Variants in CAGE1 observed in about 807,000 individuals in gnomAD.
The protein encoded by CAGE1 is cancer-associated gene 1 protein.
Under a neutral mutation model 94.9 loss-of-function variants are expected in CAGE1, and 66 were observed. The ratio of observed to expected loss-of-function variants is 0.70; its 90% CI spans 0.57 to 0.85. The LOEUF (loss-of-function observed/expected upper bound fraction) is 0.85, where lower values mean the gene tolerates loss of function less well. CAGE1 is among the 40% of genes least tolerant of loss of function. CAGE1 has a pLI of 0.00. For synonymous variants in CAGE1, 319 were observed against 321.0 expected (o/e 0.99, Z 0.07); for missense variants, 865 against 950.4 (o/e 0.91, Z 1.18).
chr6:7,352,299 AAAAAAACAAAAAAAAAC>A (rs1759802386), intron 11 of CAGE1, among the ~76,000 whole-genome samples: 1 of 119,884 alleles, frequency 8.3e-6, no homozygotes, highest in African/African-American at 3.5e-5. Context: ...GCAAAAAAAA[AAAAAAACAAAAAAAAAC>A]AAAAAAAAAA....
At chr6:7,345,342 T>C (rs1049748092) in intron 11 of CAGE1, among the ~76,000 whole-genome samples, 1 of 147,256 alleles carries the variant, frequency 6.8e-6, no homozygotes, top group African/African-American at 2.5e-5. Flanking sequence ...CCCAGCAGGA[T>C]GAAAGAAACT....
chr6:7,361,171 T>C (rs1044558011), intron 9 of CAGE1, among the ~76,000 whole-genome samples: 8 of 152,160 alleles, frequency 5.3e-5, no homozygotes, highest in Non-Finnish European at 1.2e-4. Context: ...AAAATATACC[T>C]GCTTCTAAAA....
chr6:7,335,359 G>A (rs533008198), intron 11 of CAGE1, among the ~76,000 whole-genome samples: 12 of 152,320 alleles, frequency 7.9e-5, no homozygotes, highest in Non-Finnish European at 1.5e-4. Flanking sequence ...ATAGACCTGA[G>A]AGGATATGAA....
chr6:7,360,814 G>A (rs1251918356), intron 9 of CAGE1, among the ~76,000 whole-genome samples: 1 of 152,112 alleles, frequency 6.6e-6, no homozygotes, highest in African/African-American at 2.4e-5. Context: ...AGGTGGGGTA[G>A]TGCACGCCTG....
chr6:7,368,252 C>CAAAAAAAAAAAAAAAAAAAAAATAAAAA (rs1760419746), intron 7 of CAGE1, among the ~76,000 whole-genome samples: 1 of 84,442 alleles, frequency 1.2e-5, no homozygotes. Context: ...GACTCTGTCT[C>CAAAAAAAAAAAAAAAAAAAAAATAAAAA]AAAAAAAAAA....
intron 3 of CAGE1, among the ~76,000 whole-genome samples, chr6:7,384,766 G>GT (rs1761057583): frequency 6.6e-6 from 1 of 151,894 alleles, no homozygotes; most frequent in African/African-American, 2.4e-5. Context: ...CCATGCTGCA[G>GT]TGCAGTGGCG....
rs528331923 is a variant in CAGE1, at chr6:7,362,615, G to A, written c.2193+2853C>T. ...GGTCAGAAGGACATGAGAGAAGCAC[G>A]CGACGATGTGCCAAGGGAAGCATGA... On this transcript the variant is annotated intron_variant, in intron 9 of 13. Coordinates refer to ENST00000502583, the MANE Select transcript of CAGE1 (RefSeq NM_001170692.2). This position sits in a 1 kb window ranked among gnomAD's most constrained non-coding sequence, Gnocchi z 4.1. 6.6e-6 allele frequency among the ~76,000 whole-genome samples: 1 copy of A among 152,318 alleles called. No individual in the cohort carries two copies. The highest frequency in any genetic ancestry group is 2.4e-5 in the African/African-American group (1 of 41,570).
chr6:7,382,647 C>T (rs985741399), intron 3 of CAGE1, among the ~76,000 whole-genome samples: 3 of 151,178 alleles, frequency 2.0e-5, no homozygotes, highest in African/African-American at 7.3e-5. Context: ...CGTGGTGACT[C>T]ATGCCTGTAA....
rs1030578237 is a variant in CAGE1 at position 7,385,809 on chromosome 6, C to T, written c.259G>A (p.Gly87Ser). 4.5e-6 allele frequency: 7 copies of T among 1,543,604 alleles called. No homozygotes were observed. In the East Asian group the frequency reaches 1.2e-4, roughly 27 times the overall value. ...YESTLCEDAY[G>S]TLDNLLNDNN... ...CCATTTAACAAATTGTCTAGTGTGCCATAAGCATCTTCACAAAGTGTGGAT... is the reference window on the plus strand; with the variant it reads ...CCATTTAACAAATTGTCTAGTGTGCTATAAGCATCTTCACAAAGTGTGGAT... The change falls in exon 3 of 14, where the codon GGC becomes AGC. Residue 87 changes from glycine (G) to serine (S), a missense_variant. By Grantham distance (56) the Gly-to-Ser change is moderately conservative (BLOSUM62 0). Transcript: ENST00000502583.
chr6:7,367,093 A>G (rs1360853392), intron 7 of CAGE1, among the ~76,000 whole-genome samples: 1 of 152,154 alleles, frequency 6.6e-6, no homozygotes, highest in Non-Finnish European at 1.5e-5. Flanking sequence ...CCACGTAACT[A>G]TCATTCAGCT....
At chr6:7,327,201 C>T (rs1758568323) in intron 13 of CAGE1, among the ~76,000 whole-genome samples, 1 of 152,160 alleles carries the variant, frequency 6.6e-6, no homozygotes, top group South Asian at 2.1e-4. Flanking sequence ...TATAGACACT[C>T]AACACCATGC....
In CAGE1 at chr6:7,372,984, AAATAT is replaced by A. The variant is rs1321061158; in HGVS notation, c.1746+84_1746+88del. On this transcript the variant is annotated intron_variant, in intron 5 of 13. Transcript: ENST00000502583. ...TTCTTTAATAATTCTTTCTGCAAAC[AAATAT>A]AAGTGCCACGTCTAAATACGCATCA... is the stretch of plus-strand genomic sequence containing the variant. The A allele has an allele frequency of 1.2e-5, 11 of 929,606 alleles. No individual in the cohort carries two copies. In the African/African-American group the frequency reaches 1.8e-4, roughly 16 times the overall value. 57.6% of individuals were successfully genotyped at this position (929,606 alleles called of 1,614,324 possible).
intron 11 of CAGE1, among the ~76,000 whole-genome samples, chr6:7,351,800 A>G (rs1759777805): frequency 6.6e-6 from 1 of 152,202 alleles, no homozygotes; most frequent in African/African-American, 2.4e-5. Context: ...TTCTCAATAG[A>G]TTCAGAAAAA....
intron 11 of CAGE1, among the ~76,000 whole-genome samples, chr6:7,337,119 A>T: frequency 6.6e-6 from 1 of 151,952 alleles, no homozygotes; most frequent in East Asian, 1.9e-4. Context: ...TCAGGAGTTC[A>T]AGACCAGCCT....
At chr6:7,367,520 C>T (rs1760388495) in intron 7 of CAGE1, among the ~76,000 whole-genome samples, 1 of 152,102 alleles carries the variant, frequency 6.6e-6, no homozygotes, top group Admixed American at 6.5e-5. Flanking sequence ...GGCCATCCGC[C>T]TCCCTCAGCC....
intron 6 of CAGE1, among the ~76,000 whole-genome samples, chr6:7,369,031 TAG>T: frequency 6.7e-6 from 1 of 149,264 alleles, no homozygotes. Context: ...TTTTTTGAGA[TAG>T]AGTTTTGCTC....
Position 7,389,578 on chromosome 6 carries a change from G to C in CAGE1, c.-400C>G. ...GACCCCCTAGGCCGAACAGCCTGTG[G>C]GCTAGCTGGCGCCTCCTGCCGCAGT... On this transcript the variant is annotated 5_prime_UTR_variant, in exon 1 of 14. Transcript: ENST00000502583. 1 of 334,794 alleles carries C rather than the reference G, an allele frequency of 3.0e-6. No individual in the cohort carries two copies. Among genetic ancestry groups the C allele is most frequent in the Non-Finnish European group, 6.0e-6 (1 of 167,820 alleles). The allele number at this position is 334,794 out of a possible 1,614,324, so 20.7% of individuals were successfully genotyped here. A position where few individuals can be genotyped will look rare whatever the true frequency, so the allele number is the denominator to read the frequency against.
intron 4 of CAGE1, among the ~76,000 whole-genome samples, chr6:7,376,376 G>A (rs188776210): frequency 0.013 from 1,902 of 150,332 alleles, 36 homozygotes; most frequent in African/African-American, 0.044. Flanking sequence ...GCGACAGAGC[G>A]AGACTCCATC....
intron 1 of CAGE1, among the ~76,000 whole-genome samples, chr6:7,388,768 T>A (rs901698680): frequency 1.3e-5 from 2 of 152,240 alleles, no homozygotes; most frequent in Non-Finnish European, 2.9e-5. Flanking sequence ...CCAGTCAGGA[T>A]CAGTGAAAGG....
Sources: allele counts gnomAD v4.1 joint callset (sites outside exome capture counted in the v4.1 genomes callset), GRCh38; gene constraint gnomAD v4.1.1; non-coding constraint Gnocchi (gnomAD v3.1); transcripts MANE v1.5; gene names NCBI Gene and HGNC (gene_info 2026-07-23, HGNC 2026-07-21).